TXLNB: variants seen among roughly 807,000 people sequenced by gnomAD.
The protein encoded by TXLNB is beta-taxilin.
TXLNB carries 37 observed loss-of-function variants against 57.4 expected under a neutral mutation model. That is an observed-to-expected ratio of 0.64 (90% CI 0.50 to 0.85). The LOEUF (loss-of-function observed/expected upper bound fraction) is 0.85, where lower values mean the gene tolerates loss of function less well. Among genes scored for constraint, TXLNB ranks in the 40% least tolerant of loss-of-function variants. The pLI is 0.00. For missense variants in TXLNB, 848 were observed against 825.6 expected, an observed-to-expected ratio of 1.03 and a Z score of -0.33; for synonymous variants, 302 against 309.6, an observed-to-expected ratio of 0.98 and a Z score of 0.26.
At chr6:139,198,964 T>C in the TXLNB span, among the ~76,000 whole-genome samples, 1 of 148,416 alleles carries the variant, frequency 6.7e-6, no homozygotes, top group East Asian at 2.0e-4. Flanking sequence ...CATCTGTTTC[T>C]TTCTTCCTTT....
the TXLNB span, among the ~76,000 whole-genome samples, chr6:139,171,981 C>T: frequency 2.6e-5 from 4 of 152,102 alleles, no homozygotes; most frequent in African/African-American, 9.7e-5. Flanking sequence ...CAGGCGCCGC[C>T]ACCACGCCTA....
chr6:139,243,980 T>C (rs1424309004), intron 9 of TXLNB, among the ~76,000 whole-genome samples: 1 of 150,906 alleles, frequency 6.6e-6, no homozygotes, highest in Non-Finnish European at 1.5e-5. Context: ...ACTCTGTCCC[T>C]TTGAGACCTT....
At chr6:139,311,220 G>A in the TXLNB span, among the ~76,000 whole-genome samples, 2 of 152,130 alleles carry the variant, frequency 1.3e-5, no homozygotes, top group Non-Finnish European at 2.9e-5. Context: ...TGGCCCTAAT[G>A]CTTTTTGACA....
At chr6:139,239,841 TTC>T (rs374081254), downstream of TXLNB, among the ~76,000 whole-genome samples, 142 of 148,082 alleles carry the variant, frequency 9.6e-4, no homozygotes, top group African/African-American at 3.6e-3. This position sits in a 1 kb window ranked among gnomAD's most constrained non-coding sequence, Gnocchi z 4.7. Context: ...CTCCCTCCCT[TTC>T]TCTCTCTGTC....
rs756786667 is a variant in TXLNB at position 139,242,526 on chromosome 6, T to A, written c.2055A>T (p.Ter685TyrextTer29). ...VADTNLEGVD[*>Y] ...GAAGCCTCTGAAGGCACGGTGAGGCTTAGTCGACGCCTTCCAGATTGGTGT... is the reference window on the plus strand; with the variant it reads ...GAAGCCTCTGAAGGCACGGTGAGGCATAGTCGACGCCTTCCAGATTGGTGT... Residue 685 changes from the stop codon to tyrosine, a stop_lost, in exon 10 of 10, where the codon TAA (stop) becomes TAT (tyrosine). Coordinates refer to ENST00000358430, the MANE Select transcript of TXLNB (RefSeq NM_153235.4). 5 of 1,499,098 alleles carry A rather than the reference T, an allele frequency of 3.3e-6. 1 individual carries two copies. The South Asian group carries it at 6.9e-5, about 21-fold the overall frequency. The allele number at this position is 1,499,098 out of a possible 1,614,324, so 92.9% of individuals were successfully genotyped here. A position where few individuals can be genotyped will look rare whatever the true frequency, so the allele number is the denominator to read the frequency against.
chr6:139,315,729 C>A, the TXLNB span, among the ~76,000 whole-genome samples: 10 of 152,078 alleles, frequency 6.6e-5, no homozygotes, highest in Non-Finnish European at 1.5e-4. Context: ...GTTTAAAATT[C>A]TTCATGAGAA....
At position 139,242,361 on chromosome 6, in the gene TXLNB, A is replaced by G. The variant is rs1018194622; in HGVS notation, c.*165T>C. The G allele has an allele frequency of 2.0e-6, 1 of 508,942 alleles. No homozygotes were observed. The highest frequency in any genetic ancestry group is 2.0e-5 in the African/African-American group (1 of 50,530). 31.5% of individuals were successfully genotyped at this position (508,942 alleles called of 1,614,324 possible). ...TCAAATCAGCTATAAATTGACAACAAATAGCAAAGTCTGAATGAATGTGTT... is the reference window on the plus strand; with the variant it reads ...TCAAATCAGCTATAAATTGACAACAGATAGCAAAGTCTGAATGAATGTGTT... On this transcript the variant is annotated 3_prime_UTR_variant, in exon 10 of 10. Coordinates refer to ENST00000358430, the MANE Select transcript of TXLNB (RefSeq NM_153235.4).
downstream of TXLNB, among the ~76,000 whole-genome samples, chr6:139,238,661 A>G (rs999846917): frequency 2.6e-5 from 4 of 152,212 alleles, no homozygotes; most frequent in Non-Finnish European, 4.4e-5. Flanking sequence ...AGAGTGCTCT[A>G]TGGATGATAA....
the TXLNB span, among the ~76,000 whole-genome samples, chr6:139,321,633 CTTTTTTTT>C: frequency 1.2e-5 from 1 of 84,350 alleles, no homozygotes; most frequent in South Asian, 4.0e-4. Context: ...ACTACTCTCT[CTTTTTTTT>C]TTTTTTTTTT....
the TXLNB span, among the ~76,000 whole-genome samples, chr6:139,171,853 C>T: frequency 2.1e-4 from 32 of 149,990 alleles, no homozygotes; most frequent in East Asian, 1.2e-3. Context: ...TTTTTTGTGA[C>T]GGGGTTTCAC....
the TXLNB span, among the ~76,000 whole-genome samples, chr6:139,211,241 G>A: frequency 1.3e-5 from 2 of 152,208 alleles, no homozygotes; most frequent in Middle Eastern, 3.2e-3. Context: ...AGTAGGGGCG[G>A]ACTGACACCT....
At chr6:139,206,486 G>A in the TXLNB span, among the ~76,000 whole-genome samples, 2 of 152,126 alleles carry the variant, frequency 1.3e-5, no homozygotes, top group Non-Finnish European at 2.9e-5. Flanking sequence ...AGCTAACATG[G>A]TGAAACCCCA....
chr6:139,263,304 A>G (rs1445623677), intron 4 of TXLNB, among the ~76,000 whole-genome samples: 28 of 152,228 alleles, frequency 1.8e-4, no homozygotes, highest in Non-Finnish European at 2.9e-5. Flanking sequence ...ACTTTCATCA[A>G]AAAGCTTTAA....
the TXLNB span, among the ~76,000 whole-genome samples, chr6:139,223,688 T>G: frequency 6.6e-6 from 1 of 151,540 alleles, no homozygotes; most frequent in African/African-American, 2.4e-5. Context: ...AAAAAACACA[T>G]GAAAAAATGC....
At chr6:139,211,137 T>C in the TXLNB span, among the ~76,000 whole-genome samples, 1 of 152,174 alleles carries the variant, frequency 6.6e-6, no homozygotes, top group Admixed American at 6.5e-5. Flanking sequence ...GAGTAGTGGT[T>C]CTCCCAGCAT....
chr6:139,264,797 TG>T (rs1262432604), intron 4 of TXLNB, among the ~76,000 whole-genome samples: 1 of 152,118 alleles, frequency 6.6e-6, no homozygotes, highest in Non-Finnish European at 1.5e-5. Flanking sequence ...AGACCTCAGA[TG>T]ATCTGCCCAC....
the TXLNB span, among the ~76,000 whole-genome samples, chr6:139,231,092 C>T: frequency 5.6e-3 from 846 of 152,238 alleles, 7 homozygotes; most frequent in African/African-American, 0.019. Flanking sequence ...AATATTCATA[C>T]GTACCCTCAC....
chr6:139,163,415 C>T, the TXLNB span, among the ~76,000 whole-genome samples: 3 of 149,976 alleles, frequency 2.0e-5, no homozygotes, highest in African/African-American at 4.9e-5. Context: ...TGTGCAGTGG[C>T]ACAATCTCTA....
At chr6:139,233,373 TTA>T in the TXLNB span, among the ~76,000 whole-genome samples, 2 of 3,484 alleles carry the variant, frequency 5.7e-4, no homozygotes, top group African/African-American at 1.8e-3. Context: ...TTATATAAAT[TTA>T]TATATATATA....
Sources: allele counts gnomAD v4.1 joint callset (sites outside exome capture counted in the v4.1 genomes callset), GRCh38; gene constraint gnomAD v4.1.1; non-coding constraint Gnocchi (gnomAD v3.1); transcripts MANE v1.5; gene names NCBI Gene and HGNC (gene_info 2026-07-23, HGNC 2026-07-21).